Variants in TMIE observed in about 807,000 individuals in gnomAD.
TMIE encodes transmembrane inner ear.
Under a neutral mutation model 16.8 loss-of-function variants are expected in TMIE, and 14 were observed. The observed-to-expected ratio is 0.83, with a 90% CI of 0.55 to 1.30. The LOEUF is 1.30. TMIE is among the 50% of genes most tolerant of loss of function. The pLI is 0.00. For missense variants in TMIE, 204 were observed against 205.9 expected, an observed-to-expected ratio of 0.99 and a Z score of 0.06; for synonymous variants, 75 against 87.2, an observed-to-expected ratio of 0.86 and a Z score of 0.78.
At chr3:46,702,579 CCAGAGGGAG>C (rs969340108) in intron 1 of TMIE, among the ~76,000 whole-genome samples, 4 of 151,988 alleles carry the variant, frequency 2.6e-5, no homozygotes, top group African/African-American at 9.7e-5. Context: ...CAGGGGCGGA[CCAGAGGGAG>C]CAGGAAAACA....
upstream of TMIE, chr3:46,701,248 A>G: frequency 9.7e-6 from 3 of 308,604 alleles, no homozygotes; most frequent in Non-Finnish European, 1.8e-5. The surrounding 1 kb of genome is among the most constrained non-coding windows in gnomAD (Gnocchi z 4.3). Context: ...GGGGATGCGG[A>G]AGGTGGGGGC....
chr3:46,697,862 T>C (rs1163682287), upstream of TMIE, among the ~76,000 whole-genome samples: 1 of 152,116 alleles, frequency 6.6e-6, no homozygotes, highest in East Asian at 1.9e-4. Flanking sequence ...AGAAGACTTC[T>C]GTGTGGATGA....
intron 1 of TMIE, among the ~76,000 whole-genome samples, chr3:46,702,909 C>T (rs1700495752): frequency 6.6e-6 from 1 of 152,066 alleles, no homozygotes; most frequent in African/African-American, 2.4e-5. Flanking sequence ...TGCCCTGAGG[C>T]CTGGGTACAG....
At chr3:46,708,836 T>C (rs1285154480) in intron 2 of TMIE, among the ~76,000 whole-genome samples, 6 of 152,218 alleles carry the variant, frequency 3.9e-5, no homozygotes, top group African/African-American at 1.4e-4. Context: ...CTCCAGTGAC[T>C]CTCAGTCTAG....
At chr3:46,707,070 C>T (rs1318307427) in intron 2 of TMIE, among the ~76,000 whole-genome samples, 1 of 152,262 alleles carries the variant, frequency 6.6e-6, no homozygotes. Context: ...AGAGCCTGTG[C>T]TTTGTTCCCA....
rs202208051 is a variant in TMIE at position 46,709,133 on chromosome 3, G to T, written c.219G>T (p.Thr73=). 1 of 1,614,076 alleles carries T rather than the reference G, an allele frequency of 6.2e-7. No homozygotes were observed. Among genetic ancestry groups the T allele is most frequent in the Non-Finnish European group, 8.5e-7 (1 of 1,180,034 alleles). The change falls in exon 3 of 4, where the codon ACG becomes ACT. Residue 73 remains threonine, a synonymous_variant. Coordinates refer to ENST00000643606, the MANE Select transcript of TMIE (RefSeq NM_147196.3). The part of the protein sequence containing the change: ...FSLFVLSIII[T]LCCVFNCRVP... Reference sequence around the variant, plus strand: ...GCTCTGTCCTCCCTACAGTCATCACGCTGTGCTGTGTCTTCAACTGTCGTG... The same window carrying T: ...GCTCTGTCCTCCCTACAGTCATCACTCTGTGCTGTGTCTTCAACTGTCGTG...
Position 46,705,413 on chromosome 3 carries a change from C to G in TMIE, c.94-377C>G, listed in dbSNP as rs567831960. On this transcript the variant is annotated intron_variant, in intron 1 of 3. Transcript: ENST00000643606. ...GAGCAAAGCCAGTTAGCCAGCACCC[C>G]CCAGGCCTCGCCTTGTCTCTGGCCT... is the stretch of plus-strand genomic sequence containing the variant. Among the ~76,000 whole-genome samples the G allele has an allele frequency of 7.9e-5, 12 of 152,314 alleles. No individual in the cohort carries two copies. In the East Asian group the frequency reaches 9.7e-4, roughly 12 times the overall value.
chr3:46,709,111 C>T lies in TMIE; in HGVS notation c.212-15C>T. ...AACCCCAGCCCCAGCCAAGCCTGCT[C>T]TGTCCTCCCTACAGTCATCACGCTG... On this transcript the variant is annotated splice_polypyrimidine_tract_variant and intron_variant, in intron 2 of 3. Coordinates refer to ENST00000643606, the MANE Select transcript of TMIE (RefSeq NM_147196.3). 6.2e-7 allele frequency: 1 copy of T among 1,614,022 alleles called. No homozygotes were observed. The highest frequency in any genetic ancestry group is 1.3e-5 in the African/African-American group (1 of 75,076).
chr3:46,706,899 G>A (rs1232790957), intron 2 of TMIE, among the ~76,000 whole-genome samples: 1 of 152,234 alleles, frequency 6.6e-6, no homozygotes, highest in Admixed American at 6.5e-5. Context: ...CCGGGATGAG[G>A]TGCCCCAGAG....
upstream of TMIE, among the ~76,000 whole-genome samples, chr3:46,698,281 T>A (rs868632917): frequency 1.3e-5 from 2 of 152,124 alleles, no homozygotes; most frequent in African/African-American, 2.4e-5. Flanking sequence ...CCTGACCTCA[T>A]GATCCGCCCA....
In TMIE at chr3:46,705,780, T is replaced by A; in HGVS notation, c.94-10T>A. 1 of 1,613,512 alleles carries A rather than the reference T, an allele frequency of 6.2e-7. No individual in the cohort carries two copies. Among genetic ancestry groups the A allele is most frequent in the Non-Finnish European group, 8.5e-7 (1 of 1,179,852 alleles). On this transcript the variant is annotated splice_polypyrimidine_tract_variant and intron_variant, in intron 1 of 3. Transcript: ENST00000643606. ...CTGCCTAACTCACTCCCCTCTCTCC[T>A]GACCCACAGCCCAGCACGGCCCCAC...
chr3:46,709,650 G>A lies in TMIE; in HGVS notation c.433G>A (p.Glu145Lys), dbSNP rs780884910. Residue 145 changes from glutamate to lysine, a missense_variant, in exon 4 of 4, where the codon GAG becomes AAG. Transcript: ENST00000643606. ...DTVAIKVEED[E>K]KNEAKKKKGE... ...AGTGGCCATCAAAGTAGAGGAGGAT[G>A]AGAAGAATGAGGCCAAGAAGAAGAA... 1 of 1,613,930 alleles carries A rather than the reference G, an allele frequency of 6.2e-7. No individual in the cohort carries two copies. Among genetic ancestry groups the A allele is most frequent in the South Asian group, 1.1e-5 (1 of 91,070 alleles).
At position 46,710,509 on chromosome 3, in the gene TMIE, C is replaced by T. The variant is rs1700608499; in HGVS notation, c.*821C>T. The T allele has an allele frequency of 6.6e-6, 1 of 152,462 alleles. No homozygotes were observed. Among genetic ancestry groups the T allele is most frequent in the East Asian group, 1.9e-4 (1 of 5,200 alleles). 9.4% of individuals were successfully genotyped at this position (152,462 alleles called of 1,614,324 possible). A position where few individuals can be genotyped will look rare whatever the true frequency, so the allele number is the denominator to read the frequency against. ...TGGGAATCAGAGTATATTTAAGAAG[C>T]CAAGGGGGACCTCGGGCTGTTCTGG... On this transcript the variant is annotated 3_prime_UTR_variant, in exon 4 of 4. Coordinates refer to ENST00000643606, the MANE Select transcript of TMIE (RefSeq NM_147196.3).
upstream of TMIE, among the ~76,000 whole-genome samples, chr3:46,693,864 T>C (rs1575462539): frequency 6.6e-6 from 1 of 151,920 alleles, no homozygotes; most frequent in African/African-American, 2.4e-5. Flanking sequence ...AAGCCTCTCC[T>C]GAGGCCTCCC....
chr3:46,702,559 G>T (rs1553631796), intron 1 of TMIE, among the ~76,000 whole-genome samples: 1 of 152,170 alleles, frequency 6.6e-6, no homozygotes, highest in Non-Finnish European at 1.5e-5. Flanking sequence ...GGGGATGGAG[G>T]CTGTGCAGGC....
chr3:46,696,022 C>A (rs1700409297), intron 1 of TMIE, among the ~76,000 whole-genome samples: 1 of 152,162 alleles, frequency 6.6e-6, no homozygotes, highest in South Asian at 2.1e-4. Flanking sequence ...TGCCTTCAGT[C>A]CCCTGCAGCA....
intron 1 of TMIE, among the ~76,000 whole-genome samples, chr3:46,695,507 G>A (rs1415721627): frequency 6.6e-6 from 1 of 152,216 alleles, no homozygotes; most frequent in African/African-American, 2.4e-5. Context: ...GGATCTATGG[G>A]TCCCCTAGAG....
upstream of TMIE, among the ~76,000 whole-genome samples, chr3:46,699,658 G>C (rs867807541): frequency 3.0e-4 from 46 of 152,326 alleles, no homozygotes; most frequent in Admixed American, 7.8e-4. Context: ...GGCCATCTCA[G>C]GGAACACCGG....
chr3:46,698,556 A>C (rs1297248065), upstream of TMIE, among the ~76,000 whole-genome samples: 2 of 152,114 alleles, frequency 1.3e-5, no homozygotes, highest in African/African-American at 4.8e-5. Context: ...CAAAGGTGTG[A>C]GCCACTGCAC....
Sources: allele counts gnomAD v4.1 joint callset (sites outside exome capture counted in the v4.1 genomes callset), GRCh38; gene constraint gnomAD v4.1.1; non-coding constraint Gnocchi (gnomAD v3.1); transcripts MANE v1.5; gene names NCBI Gene and HGNC (gene_info 2026-07-23, HGNC 2026-07-21).